The following ARL15 variants were observed in gnomAD, a reference collection of about 807,000 sequenced individuals.
The protein encoded by ARL15 is ARF like GTPase 15, also known as ADP-ribosylation factor-like protein 15.
Under a neutral mutation model 25.2 loss-of-function variants are expected in ARL15, and 19 were observed. That is an observed-to-expected ratio of 0.75 (90% CI 0.53 to 1.10). The LOEUF is 1.10. Among genes scored for constraint, ARL15 ranks in the 50% least tolerant of loss-of-function variants. ARL15 has a pLI of 0.00. For synonymous variants in ARL15, 94 were observed against 86.8 expected (o/e 1.08, Z -0.46); for missense variants, 220 against 246.0 (o/e 0.89, Z 0.71).
intron 4 of ARL15, among the ~76,000 whole-genome samples, chr5:53,911,056 C>A (rs1040570075): frequency 6.6e-6 from 1 of 152,148 alleles, no homozygotes; most frequent in Admixed American, 6.5e-5. Flanking sequence ...CTTTCCTTGG[C>A]ATAACTGCTT....
chr5:54,145,912 T>C (rs1753895894), intron 3 of ARL15, among the ~76,000 whole-genome samples: 1 of 152,202 alleles, frequency 6.6e-6, no homozygotes, highest in Non-Finnish European at 1.5e-5. Context: ...CAATCTTGTT[T>C]CATCTGTAAA....
chr5:54,005,815 T>C (rs1255085230), intron 4 of ARL15, among the ~76,000 whole-genome samples: 5 of 150,956 alleles, frequency 3.3e-5, no homozygotes, highest in East Asian at 2.0e-4. Context: ...TGAGCCGAGA[T>C]TGCACCACTG....
At chr5:53,991,569 CG>C (rs1214893607) in intron 4 of ARL15, among the ~76,000 whole-genome samples, 1 of 67,122 alleles carries the variant, frequency 1.5e-5, no homozygotes, top group East Asian at 4.1e-4. Context: ...AAAGGGGGGG[CG>C]GGGGGCAATT....
intron 4 of ARL15, among the ~76,000 whole-genome samples, chr5:53,970,452 T>C (rs1411113422): frequency 6.6e-6 from 1 of 152,060 alleles, no homozygotes; most frequent in Non-Finnish European, 1.5e-5. Context: ...TCTCTCATCC[T>C]AAACACTATA....
chr5:54,061,918 A>C (rs1751076909), intron 4 of ARL15, among the ~76,000 whole-genome samples: 1 of 152,140 alleles, frequency 6.6e-6, no homozygotes, highest in Non-Finnish European at 1.5e-5. Flanking sequence ...CAGCCCACGA[A>C]AGCAGCCAGG....
At chr5:54,048,454 A>G (rs10471885) in intron 4 of ARL15, 45,699 of 147,708 alleles carry the variant, frequency 0.31, 8,329 homozygotes, top group African/African-American at 0.49. Context: ...CTAGGCTAGA[A>G]TGCAATGGCA....
intron 1 of ARL15, among the ~76,000 whole-genome samples, chr5:54,251,296 C>T (rs1019917956): frequency 1.3e-5 from 2 of 152,194 alleles, no homozygotes; most frequent in Admixed American, 6.5e-5. Context: ...GAAAGAGATA[C>T]GTCTGTAGGC....
chr5:54,105,604 A>G (rs1335670355), intron 4 of ARL15, among the ~76,000 whole-genome samples: 2 of 152,080 alleles, frequency 1.3e-5, no homozygotes, highest in Non-Finnish European at 2.9e-5. Flanking sequence ...GTTTTTTGAG[A>G]CAGAGCCGCA....
intron 4 of ARL15, among the ~76,000 whole-genome samples, chr5:53,901,051 T>TTGCA (rs1016263014): frequency 1.3e-5 from 2 of 152,170 alleles, no homozygotes; most frequent in African/African-American, 2.4e-5. Flanking sequence ...ACACTTGTCT[T>TTGCA]TGCATGCAGG....
chr5:54,037,668 A>G (rs549082533), intron 4 of ARL15, among the ~76,000 whole-genome samples: 20 of 152,226 alleles, frequency 1.3e-4, no homozygotes, highest in African/African-American at 4.6e-4. Flanking sequence ...TGTGAACTTC[A>G]GGGATGATTA....
intron 1 of ARL15, among the ~76,000 whole-genome samples, chr5:54,225,416 A>G (rs1756491994): frequency 6.6e-6 from 1 of 152,182 alleles, no homozygotes; most frequent in Non-Finnish European, 1.5e-5. Flanking sequence ...AGATTATTTG[A>G]CAACTAGGAA....
At chr5:54,218,150 A>C (rs1756266489) in intron 1 of ARL15, among the ~76,000 whole-genome samples, 1 of 152,218 alleles carries the variant, frequency 6.6e-6, no homozygotes, top group African/African-American at 2.4e-5. Flanking sequence ...GACTTCAGAG[A>C]GACACTGTTC....
intron 4 of ARL15, among the ~76,000 whole-genome samples, chr5:54,101,653 A>G (rs1039644714): frequency 2.0e-5 from 3 of 150,190 alleles, no homozygotes; most frequent in Non-Finnish European, 2.9e-5. Context: ...AAAAAAAGAT[A>G]GCTATAGTGC....
chr5:54,136,211 A>T (rs566328820), intron 3 of ARL15, among the ~76,000 whole-genome samples: 2 of 152,368 alleles, frequency 1.3e-5, no homozygotes, highest in African/African-American at 2.4e-5. Context: ...AAAAAATTTT[A>T]AAAATGACTA....
intron 4 of ARL15, among the ~76,000 whole-genome samples, chr5:54,073,614 G>T (rs903109834): frequency 6.6e-6 from 1 of 152,192 alleles, no homozygotes; most frequent in Non-Finnish European, 1.5e-5. Context: ...TAGTCTAGTG[G>T]TGTCTCCTTA....
Position 53,886,085 on chromosome 5 carries a change from A to C in ARL15, c.*476T>G, listed in dbSNP as rs1744516944. 6.6e-6 allele frequency: 1 copy of C among 151,948 alleles called. No individual in the cohort carries two copies. Among genetic ancestry groups the C allele is most frequent in the Non-Finnish European group, 1.5e-5 (1 of 68,014 alleles). The allele number at this position is 151,948 out of a possible 1,614,324, so 9.4% of individuals were successfully genotyped here. On this transcript the variant is annotated 3_prime_UTR_variant, in exon 5 of 5. Transcript: ENST00000504924. ...AGCTCAGTATACCAAAAAAAAAAAA[A>C]AATTAGATAAAATAAAACAAAACCC...
chr5:54,060,400 G>A (rs13189221), intron 4 of ARL15, among the ~76,000 whole-genome samples: 5 of 152,176 alleles, frequency 3.3e-5, no homozygotes, highest in African/African-American at 7.2e-5. Context: ...CTGCCACTGC[G>A]CAGCAGCCTG....
intron 3 of ARL15, among the ~76,000 whole-genome samples, chr5:54,153,307 T>C (rs945505073): frequency 6.6e-6 from 1 of 152,204 alleles, no homozygotes; most frequent in African/African-American, 2.4e-5. Context: ...GCTGCTTGTA[T>C]TTCTTTTTTG....
At chr5:54,014,627 TCTC>T (rs1413823033) in intron 4 of ARL15, among the ~76,000 whole-genome samples, 1 of 152,096 alleles carries the variant, frequency 6.6e-6, no homozygotes, top group East Asian at 1.9e-4. Flanking sequence ...TTCAAGCTAT[TCTC>T]CTGTCTCAGC....
Sources: allele counts gnomAD v4.1 joint callset (sites outside exome capture counted in the v4.1 genomes callset), GRCh38; gene constraint gnomAD v4.1.1; transcripts MANE v1.5; gene names NCBI Gene and HGNC (gene_info 2026-07-23, HGNC 2026-07-21).